The following AP3B1 variants were observed in gnomAD, a reference collection of about 807,000 sequenced individuals.
AP3B1 encodes the protein adaptor related protein complex 3 subunit beta 1.
Under a neutral mutation model 132.5 loss-of-function variants are expected in AP3B1, and 61 were observed. The observed-to-expected ratio is 0.46, with a 90% confidence interval of 0.37 to 0.57. The LOEUF is 0.57. Among genes scored for constraint, AP3B1 ranks in the 20% least tolerant of loss-of-function variants. The pLI, the probability that AP3B1 is intolerant of heterozygous loss-of-function variation, is 0.00. For missense variants in AP3B1, 1,120 were observed against 1,289.4 expected, an observed-to-expected ratio of 0.87 and a Z score of 2.01; for synonymous variants, 388 against 438.3, an observed-to-expected ratio of 0.89 and a Z score of 1.43.
At position 78,278,408 on chromosome 5, in the gene AP3B1, G is replaced by A. The variant is rs1255225639; in HGVS notation, c.129-10813C>T. Among the ~76,000 whole-genome samples, 5 of 92,046 alleles carry A rather than the reference G, an allele frequency of 5.4e-5. 1 individual carries two copies. The highest frequency in any genetic ancestry group is 1.5e-4 in the Non-Finnish European group (5 of 34,420). The allele number at this position is 92,046 out of a possible 152,430, so 60.4% of individuals were successfully genotyped here. A position where few individuals can be genotyped will look rare whatever the true frequency, so the allele number is the denominator to read the frequency against. On this transcript the variant is annotated intron_variant, in intron 1 of 26. Transcript: ENST00000255194. ...AGGTCAGGAGATCGAGACCATCCCG[G>A]CTAAAACGGTGAAACCCCGTCTCTA...
intron 2 of AP3B1, among the ~76,000 whole-genome samples, chr5:78,258,727 G>A (rs775670253): frequency 6.6e-6 from 1 of 152,208 alleles, no homozygotes; most frequent in Non-Finnish European, 1.5e-5. Flanking sequence ...GGAGTGCAAA[G>A]AGACATCCGC....
chr5:78,229,530 C>G (rs534311696), intron 3 of AP3B1, among the ~76,000 whole-genome samples: 1 of 149,702 alleles, frequency 6.7e-6, no homozygotes, highest in South Asian at 2.1e-4. Context: ...TTCAGGAGTT[C>G]AGGACCAGCC....
chr5:78,051,585 A>G lies in AP3B1; in HGVS notation c.2578-12311T>C, dbSNP rs367803810. Among the ~76,000 whole-genome samples the G allele has an allele frequency of 1.1e-4, 16 of 152,310 alleles. No individual in the cohort carries two copies. The East Asian group carries it at 2.7e-3, about 26-fold the overall frequency. ...TGTTCAGCATCCACATTACTATTCA[A>G]AGATGACATTTCCACGTAAAGCTTT... On this transcript the variant is annotated intron_variant, in intron 22 of 26. Transcript: ENST00000255194.
At chr5:78,082,793 A>G (rs1377907807) in intron 22 of AP3B1, among the ~76,000 whole-genome samples, 1 of 151,960 alleles carries the variant, frequency 6.6e-6, no homozygotes, top group Non-Finnish European at 1.5e-5. Flanking sequence ...TTATGGTATT[A>G]TGACATTTGG....
intron 11 of AP3B1, among the ~76,000 whole-genome samples, chr5:78,169,713 C>T (rs189759221): frequency 4.0e-4 from 61 of 151,106 alleles, no homozygotes; most frequent in Admixed American, 1.4e-3. Context: ...CAGGCATGAG[C>T]CACTGTGCCA....
At chr5:78,051,009 T>G (rs1006104618) in intron 22 of AP3B1, among the ~76,000 whole-genome samples, 26 of 152,200 alleles carry the variant, frequency 1.7e-4, no homozygotes, top group Non-Finnish European at 3.5e-4. Context: ...TTTGTGTACC[T>G]TTAGATGGTT....
At chr5:78,145,594 A>G (rs1753354816) in intron 14 of AP3B1, among the ~76,000 whole-genome samples, 1 of 152,200 alleles carries the variant, frequency 6.6e-6, no homozygotes, top group Non-Finnish European at 1.5e-5. Flanking sequence ...TACATCAAGG[A>G]GGCAATTAAC....
intron 1 of AP3B1, among the ~76,000 whole-genome samples, chr5:78,274,287 G>C: frequency 6.6e-6 from 1 of 151,444 alleles, no homozygotes; most frequent in Non-Finnish European, 1.5e-5. Context: ...GACTGGAAAT[G>C]GGAGAAAAAA....
At chr5:78,066,126 C>T (rs1749279813) in intron 22 of AP3B1, among the ~76,000 whole-genome samples, 2 of 152,174 alleles carry the variant, frequency 1.3e-5, no homozygotes, top group African/African-American at 4.8e-5. Context: ...GCAACAACAG[C>T]ATCAACAAAA....
At chr5:78,083,044 T>C (rs1439270197) in intron 22 of AP3B1, among the ~76,000 whole-genome samples, 6 of 152,152 alleles carry the variant, frequency 3.9e-5, no homozygotes, top group Non-Finnish European at 2.9e-5. Context: ...CTCGAACTCC[T>C]GACCTCAGCT....
At chr5:78,061,670 A>G (rs1749063501) in intron 22 of AP3B1, among the ~76,000 whole-genome samples, 1 of 152,236 alleles carries the variant, frequency 6.6e-6, no homozygotes. Flanking sequence ...CAGCACTGTC[A>G]GCGCGCAAGG....
At chr5:78,087,165 T>C (rs1291131803) in intron 22 of AP3B1, among the ~76,000 whole-genome samples, 1 of 152,234 alleles carries the variant, frequency 6.6e-6, no homozygotes, top group Non-Finnish European at 1.5e-5. Flanking sequence ...ATGTTGACTT[T>C]AAAATTATAG....
intron 23 of AP3B1, among the ~76,000 whole-genome samples, chr5:78,037,505 G>C (rs1363205052): frequency 1.3e-5 from 2 of 152,010 alleles, no homozygotes; most frequent in Non-Finnish European, 2.9e-5. Context: ...CTTTGCTCTA[G>C]TTGCTTATAA....
chr5:78,228,246 A>G lies in AP3B1; in HGVS notation c.280-7T>C. The G allele has an allele frequency of 6.2e-7, 1 of 1,600,046 alleles. No homozygotes were observed. The highest frequency in any genetic ancestry group is 8.5e-7 in the Non-Finnish European group (1 of 1,171,448). ...CATATACCAACTTCTTGATCTGTTA[A>G]AAAAAAATCATTTATTCATAACCAG... On this transcript the variant is annotated splice_polypyrimidine_tract_variant and splice_region_variant and intron_variant, in intron 3 of 26. Transcript: ENST00000255194.
intron 20 of AP3B1, 22 bp from the exon 21 acceptor site, chr5:78,101,047 A>G: frequency 7.3e-7 from 1 of 1,362,738 alleles, no homozygotes; most frequent in Non-Finnish European, 1.0e-6. Flanking sequence ...CAAATATTTC[A>G]TTTATCACAC....
At chr5:78,103,526 C>G (rs1294544153) in intron 20 of AP3B1, among the ~76,000 whole-genome samples, 1 of 152,110 alleles carries the variant, frequency 6.6e-6, no homozygotes, top group Non-Finnish European at 1.5e-5. Context: ...GACAGATCAC[C>G]CACTGTTTCC....
At chr5:78,130,599 A>C (rs1460612385) in intron 15 of AP3B1, among the ~76,000 whole-genome samples, 8 of 152,088 alleles carry the variant, frequency 5.3e-5, no homozygotes, top group African/African-American at 1.9e-4. Context: ...GTTCAAGTAC[A>C]GGTAAGAAAA....
intron 22 of AP3B1, among the ~76,000 whole-genome samples, chr5:78,067,615 A>C (rs1749346899): frequency 6.6e-6 from 1 of 152,204 alleles, no homozygotes; most frequent in Non-Finnish European, 1.5e-5. Context: ...TAAGAAATTC[A>C]CTCGAAACCA....
chr5:78,173,970 G>A (rs1229743679), intron 11 of AP3B1, among the ~76,000 whole-genome samples: 1 of 151,822 alleles, frequency 6.6e-6, no homozygotes, highest in African/African-American at 2.4e-5. Context: ...CCACTTGATC[G>A]AATCGGCTAT....
Sources: allele counts gnomAD v4.1 joint callset (sites outside exome capture counted in the v4.1 genomes callset), GRCh38; gene constraint gnomAD v4.1.1; transcripts MANE v1.5; gene names NCBI Gene and HGNC (gene_info 2026-07-23, HGNC 2026-07-21).